Variants in PCDHA4 observed in about 807,000 individuals in gnomAD.
PCDHA4 encodes the protein protocadherin alpha 4, also known as protocadherin alpha-4.
In PCDHA4, 49 loss-of-function variants were observed where a neutral mutation model predicts 61.4. The ratio of observed to expected loss-of-function variants is 0.80; its 90% CI spans 0.63 to 1.01. PCDHA4 has a LOEUF of 1.01. PCDHA4 is among the 50% of genes least tolerant of loss of function. PCDHA4 has a pLI of 0.00. For missense variants in PCDHA4, 1,254 were observed against 1,235.8 expected, an observed-to-expected ratio of 1.01 and a Z score of -0.22; for synonymous variants, 590 against 550.3, an observed-to-expected ratio of 1.07 and a Z score of -1.01.
intron 1 of PCDHA4, chr5:140,834,674 G>T: frequency 3.7e-6 from 6 of 1,614,248 alleles, no homozygotes; most frequent in Non-Finnish European, 5.1e-6. Flanking sequence ...AGCTGTGCGG[G>T]CGGAGCGCGG....
intron 1 of PCDHA4, among the ~76,000 whole-genome samples, chr5:140,911,786 TG>T (rs1394803815): frequency 6.6e-6 from 1 of 152,212 alleles, no homozygotes; most frequent in Non-Finnish European, 1.5e-5. Flanking sequence ...TTAGCATTTT[TG>T]GGTCTAATCA....
At chr5:140,870,909 C>T (rs2052531275) in intron 1 of PCDHA4, 1 of 1,613,956 alleles carries the variant, frequency 6.2e-7, no homozygotes, top group East Asian at 2.2e-5. Flanking sequence ...ACTCAGGCTA[C>T]AACGCGTGGC....
chr5:140,861,332 G>A (rs2046864240), intron 1 of PCDHA4: 1 of 247,774 alleles, frequency 4.0e-6, no homozygotes, highest in African/African-American at 2.3e-5. Context: ...CACCATCCTG[G>A]AAGAGGCCAA....
intron 1 of PCDHA4, chr5:140,836,781 T>C: frequency 6.7e-7 from 1 of 1,482,902 alleles, no homozygotes; most frequent in South Asian, 1.3e-5. Flanking sequence ...TTAAAACAAT[T>C]AGTTCAATTG....
chr5:140,815,901 T>C (rs1487554416), intron 1 of PCDHA4: 1 of 152,170 alleles, frequency 6.6e-6, no homozygotes, highest in Non-Finnish European at 1.5e-5. Context: ...CAGTATAACA[T>C]CTCACCCCTT....
chr5:141,009,356 G>A (rs535761188), intron 3 of PCDHA4, among the ~76,000 whole-genome samples: 1 of 152,204 alleles, frequency 6.6e-6, no homozygotes, highest in Admixed American at 6.5e-5. Flanking sequence ...CTACTTGGGA[G>A]GCTAAGATGG....
chr5:140,918,895 A>G (rs1319042193), intron 1 of PCDHA4, among the ~76,000 whole-genome samples: 2 of 152,206 alleles, frequency 1.3e-5, no homozygotes, highest in East Asian at 3.9e-4. Flanking sequence ...TGAAAAATAA[A>G]TCTCTCTTGT....
At chr5:140,870,430 G>C (rs782773036) in intron 1 of PCDHA4, 6 of 1,614,226 alleles carry the variant, frequency 3.7e-6, no homozygotes, top group Non-Finnish European at 5.1e-6. Context: ...GGTATCCGTG[G>C]AGGTGGCCGA....
Position 140,843,491 on chromosome 5 carries a change from T to C in PCDHA4, c.2385+33919T>C, listed in dbSNP as rs2150361204. 8 of 1,595,956 alleles carry C rather than the reference T, an allele frequency of 5.0e-6. 1 individual carries two copies. Among genetic ancestry groups the C allele is most frequent in the South Asian group, 1.1e-5 (1 of 90,486 alleles). On this transcript the variant is annotated intron_variant, in intron 1 of 3. Transcript: ENST00000530339. Reference sequence around the variant, plus strand: ...GCTGCTGTACACTGCGCTGCGGTGCTCAGCACTGCCCACTGAGGGCGGGTG... The same window carrying C: ...GCTGCTGTACACTGCGCTGCGGTGCCCAGCACTGCCCACTGAGGGCGGGTG...
At chr5:140,968,995 A>G in intron 1 of PCDHA4, 2 of 1,614,200 alleles carry the variant, frequency 1.2e-6, no homozygotes, top group Non-Finnish European at 1.7e-6. Flanking sequence ...CATGCTGTGG[A>G]GGCTTCTGTG....
At chr5:140,978,835 A>G in intron 1 of PCDHA4, 114 bp from the exon 2 acceptor site, 2 of 1,550,342 alleles carry the variant, frequency 1.3e-6, no homozygotes, top group Non-Finnish European at 1.7e-6. Flanking sequence ...TGGCTCATTC[A>G]ATACTTTTTT....
At chr5:140,904,193 T>C (rs1554191351) in intron 1 of PCDHA4, among the ~76,000 whole-genome samples, 2 of 151,930 alleles carry the variant, frequency 1.3e-5, no homozygotes, top group Non-Finnish European at 2.9e-5. Flanking sequence ...TTCCCACCCT[T>C]TCCCCCTAAG....
intron 3 of PCDHA4, among the ~76,000 whole-genome samples, chr5:141,007,109 GA>G (rs1473367544): frequency 6.6e-6 from 1 of 152,138 alleles, no homozygotes; most frequent in Non-Finnish European, 1.5e-5. Flanking sequence ...CAAACCCAAG[GA>G]AGCTTCAACA....
chr5:140,933,694 C>T (rs782754431), intron 1 of PCDHA4, among the ~76,000 whole-genome samples: 8 of 151,858 alleles, frequency 5.3e-5, no homozygotes, highest in South Asian at 4.1e-4. Flanking sequence ...TCCTATTCCT[C>T]GGACACATTT....
In PCDHA4 at chr5:140,835,824, G is replaced by A. The variant is rs2150245957; in HGVS notation, c.2385+26252G>A. 5 of 1,612,592 alleles carry A rather than the reference G, an allele frequency of 3.1e-6. No individual in the cohort carries two copies. The South Asian group carries it at 4.4e-5, about 14-fold the overall frequency. On this transcript the variant is annotated intron_variant, in intron 1 of 3. Transcript: ENST00000530339. ...CCACATCTTCACTGTGTCGGCGGGG[G>A]ACGCGGACGCGCAGAAGAACGCGCT...
At chr5:140,919,876 G>A (rs2079336654) in intron 1 of PCDHA4, among the ~76,000 whole-genome samples, 1 of 152,174 alleles carries the variant, frequency 6.6e-6, no homozygotes, top group Non-Finnish European at 1.5e-5. Flanking sequence ...AGTCTTTGAA[G>A]ACATAATTAT....
At chr5:140,828,998 G>A (rs2150161774) in intron 1 of PCDHA4, 7 of 1,613,996 alleles carry the variant, frequency 4.3e-6, no homozygotes, top group South Asian at 3.3e-5. Context: ...GGGAGAAATA[G>A]TGATTCGGGG....
intron 1 of PCDHA4, chr5:140,830,167 G>T (rs1247870585): frequency 1.9e-6 from 3 of 1,613,430 alleles, no homozygotes; most frequent in Non-Finnish European, 2.5e-6. Context: ...CAGAGGCGGC[G>T]CTGGTGGATG....
At position 140,928,737 on chromosome 5, in the gene PCDHA4, A is replaced by G. The variant is rs140056024; in HGVS notation, c.2386-50212A>G. On this transcript the variant is annotated intron_variant, in intron 1 of 3. Coordinates refer to ENST00000530339, the MANE Select transcript of PCDHA4 (RefSeq NM_018907.4). ...GTCTCTTTAGAATTTCAGCCAATAT[A>G]GGTGAGCTCCGTACTGCTCGCTTAG... is the stretch of plus-strand genomic sequence containing the variant. 5.6e-6 allele frequency: 9 copies of G among 1,614,000 alleles called. No homozygotes were observed. In the African/African-American group the frequency reaches 8.0e-5, roughly 14 times the overall value.
Sources: gnomAD v4.1 joint callset for allele counts (sites outside exome capture counted in the v4.1 genomes callset) on GRCh38, gnomAD v4.1.1 for gene constraint, MANE v1.5 for transcripts, NCBI Gene and HGNC (gene_info 2026-07-23, HGNC 2026-07-21) for gene names.